Variants in RBFOX1 observed in about 807,000 individuals in gnomAD.
RBFOX1 encodes the protein RNA binding fox-1 homolog 1.
Under a neutral mutation model 57.7 loss-of-function variants are expected in RBFOX1, and 8 were observed. The ratio of observed to expected loss-of-function variants is 0.14; its 90% CI spans 0.08 to 0.25. The LOEUF (loss-of-function observed/expected upper bound fraction) is 0.25, where lower values mean the gene tolerates loss of function less well. Among genes scored for constraint, RBFOX1 ranks in the 10% least tolerant of loss-of-function variants. The probability of loss-of-function intolerance (pLI) is 1.00; values close to 1 mark genes in which losing one functional copy is unlikely to be tolerated. For missense variants in RBFOX1, 611 were observed against 548.5 expected, an observed-to-expected ratio of 1.11 and a Z score of -1.14; for synonymous variants, 326 against 222.4, an observed-to-expected ratio of 1.47 and a Z score of -4.15.
At chr16:5,283,983 C>A (rs113032273) in intron 1 of RBFOX1, among the ~76,000 whole-genome samples, 1 of 152,092 alleles carries the variant, frequency 6.6e-6, no homozygotes. Context: ...TGAATTCCCA[C>A]ATGTTATTGG....
At chr16:6,527,482 C>A (rs977751670) in intron 2 of RBFOX1, among the ~76,000 whole-genome samples, 1 of 152,080 alleles carries the variant, frequency 6.6e-6, no homozygotes, top group Non-Finnish European at 1.5e-5. Context: ...GATAAATATT[C>A]AAGTTGAATG....
intron 4 of RBFOX1, among the ~76,000 whole-genome samples, chr16:7,362,174 C>G (rs2097337311): frequency 8.1e-6 from 1 of 123,332 alleles, no homozygotes; most frequent in African/African-American, 4.4e-5. Context: ...TGTATGCTTG[C>G]TAGTGTGTGT....
At chr16:5,948,740 G>C (rs1455509979) in intron 4 of RBFOX1, among the ~76,000 whole-genome samples, 1 of 152,134 alleles carries the variant, frequency 6.6e-6, no homozygotes, top group African/African-American at 2.4e-5. Context: ...CCAGTGCTTT[G>C]ATTTCAGACT....
At chr16:7,190,077 T>C (rs2084993710) in intron 4 of RBFOX1, among the ~76,000 whole-genome samples, 1 of 152,154 alleles carries the variant, frequency 6.6e-6, no homozygotes, top group Admixed American at 6.5e-5. Context: ...AATAAAAATC[T>C]TGGCCGGGCA....
chr16:7,207,467 C>A (rs2090224974), intron 4 of RBFOX1, among the ~76,000 whole-genome samples: 1 of 152,146 alleles, frequency 6.6e-6, no homozygotes, highest in Admixed American at 6.5e-5. Context: ...AAACCACATC[C>A]AGTGCAACCC....
chr16:6,857,861 C>T (rs1232765899), intron 3 of RBFOX1, among the ~76,000 whole-genome samples: 1 of 152,174 alleles, frequency 6.6e-6, no homozygotes, highest in Non-Finnish European at 1.5e-5. Context: ...TGCTCAGTTA[C>T]CATTTAGCAA....
At chr16:7,054,881 C>G (rs1397606343) in intron 4 of RBFOX1, among the ~76,000 whole-genome samples, 1 of 152,158 alleles carries the variant, frequency 6.6e-6, no homozygotes, top group Non-Finnish European at 1.5e-5. Context: ...AAATTTATTC[C>G]TTTTCCTTGG....
At chr16:6,142,991 G>T (rs2096730467) in intron 1 of RBFOX1, among the ~76,000 whole-genome samples, 1 of 152,134 alleles carries the variant, frequency 6.6e-6, no homozygotes, top group Non-Finnish European at 1.5e-5. Flanking sequence ...CAGCTCCTGA[G>T]CAAGGTAATA....
intron 4 of RBFOX1, among the ~76,000 whole-genome samples, chr16:7,071,522 A>G (rs1167161857): frequency 6.6e-6 from 1 of 151,892 alleles, no homozygotes; most frequent in African/African-American, 2.4e-5. Context: ...ATTTGAAAGC[A>G]ACTACAACTT....
At chr16:7,487,779 C>A (rs1018599616) in intron 4 of RBFOX1, among the ~76,000 whole-genome samples, 3 of 152,154 alleles carry the variant, frequency 2.0e-5, no homozygotes, top group Non-Finnish European at 4.4e-5. Context: ...AGCACTTGGA[C>A]AACCTAAGAG....
intron 2 of RBFOX1, among the ~76,000 whole-genome samples, chr16:6,583,826 T>G (rs2097569524): frequency 6.6e-6 from 1 of 152,186 alleles, no homozygotes; most frequent in Non-Finnish European, 1.5e-5. Context: ...CCCAGCTTGT[T>G]TTATTTACTC....
chr16:6,500,310 T>C (rs905306114), intron 2 of RBFOX1, among the ~76,000 whole-genome samples: 1 of 152,188 alleles, frequency 6.6e-6, no homozygotes, highest in African/African-American at 2.4e-5. Flanking sequence ...CTTCAAGGTA[T>C]ACACATTCTA....
chr16:7,439,945 CTTTCTTTTT>C (rs1490451254), intron 4 of RBFOX1, among the ~76,000 whole-genome samples: 1 of 113,394 alleles, frequency 8.8e-6, no homozygotes, highest in Non-Finnish European at 1.9e-5. Flanking sequence ...CAAATCTTTT[CTTTCTTTTT>C]TTTTTTTTTT....
rs143608182 is a variant in RBFOX1, at chr16:6,286,443, C to T, written c.-126-30552C>T. ...CTACCTTGGCTGAGTTGCTCAAAGT[C>T]TCTGAGCATCCCTCTCCTCCTTCAT... On this transcript the variant is annotated intron_variant, in intron 1 of 15. Coordinates refer to ENST00000550418, the MANE Select transcript of RBFOX1 (RefSeq NM_018723.4). 6.5e-4 allele frequency among the ~76,000 whole-genome samples: 99 copies of T among 152,346 alleles called. 1 individual carries two copies. The highest frequency in any genetic ancestry group is 2.4e-3 in the African/African-American group (98 of 41,586).
At chr16:6,205,669 T>C (rs1329030129) in intron 1 of RBFOX1, among the ~76,000 whole-genome samples, 1 of 152,082 alleles carries the variant, frequency 6.6e-6, no homozygotes, top group Non-Finnish European at 1.5e-5. Context: ...TTGCTTCTCC[T>C]GACACCACAC....
Position 6,988,194 on chromosome 16 carries a change from A to C in RBFOX1, c.-15-63863A>C, listed in dbSNP as rs1275422222. Among the ~76,000 whole-genome samples, 4 of 152,202 alleles carry C rather than the reference A, an allele frequency of 2.6e-5. No homozygotes were observed. In the East Asian group the frequency reaches 7.7e-4, roughly 29 times the overall value. The stretch of plus-strand genomic sequence containing the variant: ...GAGTTTTAGAAGTGTCCTAATGGTA[A>C]ATCTCCCCCTAAATTTTTGGAAACA... On this transcript the variant is annotated intron_variant, in intron 3 of 15. Transcript: ENST00000550418.
At position 5,543,591 on chromosome 16, in the gene RBFOX1, A is replaced by G. The variant is rs148300224; in HGVS notation, c.259-55311A>G. On this transcript the variant is annotated intron_variant, in intron 2 of 2. Transcript: ENST00000585867. ...ATGTGTAGATGAAGTCCCTAAAGGA[A>G]TGAGAGAGATGGAGAGACAGAAAAA... Among the ~76,000 whole-genome samples the G allele has an allele frequency of 2.7e-3, 412 of 152,282 alleles. 3 individuals are homozygous for G. The highest frequency in any genetic ancestry group is 8.1e-3 in the African/African-American group (336 of 41,562).
intron 1 of RBFOX1, among the ~76,000 whole-genome samples, chr16:6,258,163 A>T (rs2052226): frequency 6.6e-6 from 1 of 152,046 alleles, no homozygotes; most frequent in Admixed American, 6.5e-5. Context: ...ACAATTGTCC[A>T]TTTTTGTCTA....
intron 4 of RBFOX1, among the ~76,000 whole-genome samples, chr16:5,910,758 C>G (rs2058583850): frequency 6.6e-6 from 1 of 152,184 alleles, no homozygotes; most frequent in African/African-American, 2.4e-5. Flanking sequence ...GCATCTCTGC[C>G]TGAAAACTTT....
Sources: allele counts gnomAD v4.1 joint callset (sites outside exome capture counted in the v4.1 genomes callset), GRCh38; gene constraint gnomAD v4.1.1; transcripts MANE v1.5; gene names NCBI Gene and HGNC (gene_info 2026-07-23, HGNC 2026-07-21).